EXOC4: variants seen among roughly 807,000 people sequenced by gnomAD.
EXOC4 encodes exocyst complex component 4.
In EXOC4, 71 loss-of-function variants were observed where a neutral mutation model predicts 107.2. The observed-to-expected ratio is 0.66, with a 90% CI of 0.55 to 0.81. EXOC4 has a LOEUF of 0.81. Among genes scored for constraint, EXOC4 ranks in the 30% least tolerant of loss-of-function variants. The probability of loss-of-function intolerance (pLI) is 0.00; values close to 1 mark genes in which losing one functional copy is unlikely to be tolerated. For synonymous variants in EXOC4, 456 were observed against 441.2 expected (o/e 1.03, Z -0.42); for missense variants, 1,108 against 1,189.6 (o/e 0.93, Z 1.01).
At chr7:133,873,141 T>C (rs1798782813) in intron 11 of EXOC4, among the ~76,000 whole-genome samples, 1 of 152,178 alleles carries the variant, frequency 6.6e-6, no homozygotes, top group South Asian at 2.1e-4. Context: ...AGACCCCATC[T>C]CTACAAAAAA....
intron 9 of EXOC4, among the ~76,000 whole-genome samples, chr7:133,598,512 A>G (rs529175005): frequency 7.9e-5 from 12 of 152,338 alleles, no homozygotes; most frequent in Admixed American, 7.2e-4. Context: ...CCAAATTTTA[A>G]ATGTAATTTA....
At chr7:133,938,560 A>G (rs1230306720) in intron 14 of EXOC4, among the ~76,000 whole-genome samples, 2 of 152,202 alleles carry the variant, frequency 1.3e-5, no homozygotes, top group East Asian at 3.9e-4. Flanking sequence ...TTCTGGAAAA[A>G]AGATGGCTAA....
intron 7 of EXOC4, among the ~76,000 whole-genome samples, chr7:133,429,691 A>C (rs1797809821): frequency 6.6e-6 from 1 of 152,236 alleles, no homozygotes; most frequent in South Asian, 2.1e-4. Context: ...TTTCATGTAA[A>C]TAGAATCATA....
the EXOC4 span, among the ~76,000 whole-genome samples, chr7:134,088,167 C>G: frequency 6.6e-6 from 1 of 152,170 alleles, no homozygotes; most frequent in Admixed American, 6.5e-5. Flanking sequence ...CCAGTTTTCC[C>G]AAGGGGCTTT....
chr7:133,765,910 T>C (rs1316536584), intron 10 of EXOC4, among the ~76,000 whole-genome samples: 1 of 152,034 alleles, frequency 6.6e-6, no homozygotes, highest in South Asian at 2.1e-4. Context: ...TACTTACTAC[T>C]AGGAGCTCAT....
intron 7 of EXOC4, among the ~76,000 whole-genome samples, chr7:133,380,735 A>G (rs1451617840): frequency 6.6e-6 from 1 of 152,218 alleles, no homozygotes; most frequent in Non-Finnish European, 1.5e-5. Flanking sequence ...TGTAGTCTCC[A>G]CATTAATTAT....
chr7:133,314,028 A>G (rs1794935141), intron 4 of EXOC4, among the ~76,000 whole-genome samples: 1 of 152,184 alleles, frequency 6.6e-6, no homozygotes, highest in African/African-American at 2.4e-5. Context: ...AGTATTTCCA[A>G]AATAACGTTA....
the EXOC4 span, among the ~76,000 whole-genome samples, chr7:134,074,348 A>G: frequency 6.6e-6 from 1 of 152,150 alleles, no homozygotes; most frequent in African/African-American, 2.4e-5. Flanking sequence ...TTTTGCCCTG[A>G]AACAAGAAGC....
At position 133,276,389 on chromosome 7, in the gene EXOC4, A is replaced by G. The variant is rs145825354; in HGVS notation, c.276+1218A>G. ...CATTTAGTACTACTCTGTGATAAAT[A>G]ACAATAATTGCCACCACTTATTGAA... On this transcript the variant is annotated intron_variant, in intron 2 of 17. Coordinates refer to ENST00000253861, the MANE Select transcript of EXOC4 (RefSeq NM_021807.4). 5.7e-3 allele frequency among the ~76,000 whole-genome samples: 868 copies of G among 152,336 alleles called. 4 individuals are homozygous for G. Among genetic ancestry groups the G allele is most frequent in the Non-Finnish European group, 9.4e-3 (637 of 68,030 alleles).
chr7:133,268,949 T>G (rs1266775193), intron 1 of EXOC4, among the ~76,000 whole-genome samples: 1 of 152,228 alleles, frequency 6.6e-6, no homozygotes, highest in Non-Finnish European at 1.5e-5. Flanking sequence ...TGTGACCAGC[T>G]TAACTGGAAT....
intron 13 of EXOC4, among the ~76,000 whole-genome samples, chr7:133,923,092 C>T (rs1476618931): frequency 2.0e-5 from 3 of 150,468 alleles, no homozygotes; most frequent in African/African-American, 4.9e-5. Flanking sequence ...GTATACACTG[C>T]CAAATAATTT....
intron 10 of EXOC4, among the ~76,000 whole-genome samples, chr7:133,779,872 C>CCAG (rs35254178): frequency 0.3 from 45,586 of 151,754 alleles, 7,081 homozygotes; most frequent in South Asian, 0.45. Context: ...GCCACCCCAG[C>CCAG]CAGCAGCAGC....
chr7:133,335,153 A>G (rs1053901242), intron 5 of EXOC4, among the ~76,000 whole-genome samples: 1 of 152,236 alleles, frequency 6.6e-6, no homozygotes, highest in Admixed American at 6.5e-5. Flanking sequence ...CTCAATCAAA[A>G]GGTAAGCCCA....
intron 10 of EXOC4, among the ~76,000 whole-genome samples, chr7:133,726,440 G>C (rs1486913843): frequency 6.6e-6 from 1 of 152,170 alleles, no homozygotes; most frequent in Non-Finnish European, 1.5e-5. Context: ...CTTCTGTTGA[G>C]TTCTAATGTA....
At chr7:134,055,528 C>G (rs1372035643) in intron 17 of EXOC4, among the ~76,000 whole-genome samples, 1 of 152,178 alleles carries the variant, frequency 6.6e-6, no homozygotes, top group African/African-American at 2.4e-5. Context: ...GCCATGAAGT[C>G]CATTCCTGTT....
intron 11 of EXOC4, among the ~76,000 whole-genome samples, chr7:133,837,225 G>A (rs1235533455): frequency 6.6e-6 from 1 of 152,134 alleles, no homozygotes; most frequent in East Asian, 1.9e-4. Context: ...TTAAAGAAAA[G>A]GACTGTCCTC....
intron 17 of EXOC4, among the ~76,000 whole-genome samples, chr7:134,025,130 C>A (rs920751395): frequency 6.6e-6 from 1 of 152,134 alleles, no homozygotes; most frequent in Non-Finnish European, 1.5e-5. Context: ...ACTTTGAACC[C>A]TGATTGTTAC....
chr7:134,052,894 C>A (rs1795830123), intron 17 of EXOC4, among the ~76,000 whole-genome samples: 2 of 152,202 alleles, frequency 1.3e-5, no homozygotes, highest in Admixed American at 6.5e-5. Flanking sequence ...TCCTGACCAT[C>A]TCCCCCCGGA....
At chr7:133,719,607 G>T (rs1795065777) in intron 10 of EXOC4, among the ~76,000 whole-genome samples, 1 of 151,650 alleles carries the variant, frequency 6.6e-6, no homozygotes, top group South Asian at 2.1e-4. Context: ...CTTCATCATT[G>T]TGTGCATGGT....
Sources: allele counts gnomAD v4.1 joint callset (sites outside exome capture counted in the v4.1 genomes callset), GRCh38; gene constraint gnomAD v4.1.1; transcripts MANE v1.5; gene names NCBI Gene and HGNC (gene_info 2026-07-23, HGNC 2026-07-21).